PLD3: variants seen among roughly 807,000 people sequenced by gnomAD.
PLD3 encodes the protein 5'-3' exonuclease PLD3.
A neutral mutation model predicts 58.4 loss-of-function variants in PLD3; 31 were observed. The observed-to-expected ratio is 0.53, with a 90% CI of 0.40 to 0.72. The LOEUF is 0.72. PLD3 is among the 30% of genes least tolerant of loss of function. The pLI is 0.00. For synonymous variants in PLD3, 264 were observed against 273.4 expected (o/e 0.97, Z 0.34); for missense variants, 595 against 659.8 (o/e 0.90, Z 1.08).
At chr19:40,354,730 A>G (rs1250555969) in intron 1 of PLD3, among the ~76,000 whole-genome samples, 1 of 148,630 alleles carries the variant, frequency 6.7e-6, no homozygotes. Context: ...TTCGCCATGT[A>G]GGCCAGGCTG....
At chr19:40,366,152 G>A (rs1307888913) in intron 2 of PLD3, 8 of 439,110 alleles carry the variant, frequency 1.8e-5, no homozygotes, top group Middle Eastern at 6.4e-4. Flanking sequence ...TTGGAGGAGG[G>A]AGAAGGGGGC....
At chr19:40,373,164 C>T (rs894404930) in intron 9 of PLD3, among the ~76,000 whole-genome samples, 18 of 152,196 alleles carry the variant, frequency 1.2e-4, no homozygotes, top group African/African-American at 4.1e-4. Flanking sequence ...AAGGCGTGGA[C>T]GTAGGGAAGT....
Position 40,366,698 on chromosome 19 carries a change from G to T in PLD3, c.102+14G>T. ...GCTGCGGAAAAGGTAGGAGCCCTCC[G>T]CCACCCTCGCTCTGTCTCAGAGACA... On this transcript the variant is annotated intron_variant, in intron 4 of 12. Transcript: ENST00000409735. 1 of 1,611,782 alleles carries T rather than the reference G, an allele frequency of 6.2e-7. No homozygotes were observed. Among genetic ancestry groups the T allele is most frequent in the Non-Finnish European group, 8.5e-7 (1 of 1,178,674 alleles).
rs535493639 is a variant in PLD3 at position 40,366,856 on chromosome 19, C to T, written c.186C>T (p.Tyr62=). The T allele has an allele frequency of 5.0e-6, 8 of 1,613,998 alleles. No homozygotes were observed. Among genetic ancestry groups the T allele is most frequent in the Admixed American group, 1.7e-5 (1 of 60,004 alleles). The change falls in exon 5 of 13, where the codon TAC becomes TAT. Residue 62 remains tyrosine (Y), a synonymous_variant. Coordinates refer to ENST00000409735, the MANE Select transcript of PLD3 (RefSeq NM_012268.4). ...ALMTQLFLWE[Y]GDLHLFGPNQ... The stretch of plus-strand genomic sequence containing the variant: ...TGACTCAGCTGTTTCTATGGGAATA[C>T]GGCGACTTGCATCTCTTTGGGCCCA...
intron 1 of PLD3, 130 bp downstream of exon 1, chr19:40,348,898 G>A (rs2078403564): frequency 6.6e-6 from 1 of 151,194 alleles, no homozygotes; most frequent in African/African-American, 2.4e-5. Context: ...TAATTATAGC[G>A]TTGTCTTCCA....
intron 1 of PLD3, among the ~76,000 whole-genome samples, chr19:40,350,892 G>A (rs2078496142): frequency 6.6e-6 from 1 of 152,032 alleles, no homozygotes; most frequent in Admixed American, 6.6e-5. Context: ...AAATAGGGTG[G>A]TCAGGGAAAG....
At chr19:40,352,436 A>T (rs2078542883) in intron 1 of PLD3, among the ~76,000 whole-genome samples, 1 of 152,228 alleles carries the variant, frequency 6.6e-6, no homozygotes, top group South Asian at 2.1e-4. Flanking sequence ...GGCAGCTGTC[A>T]TGTGGCATCT....
chr19:40,374,432 G>A, intron 9 of PLD3, 49 bp from the exon 10 acceptor site: 1 of 1,605,972 alleles, frequency 6.2e-7, no homozygotes, highest in African/African-American at 1.3e-5. Flanking sequence ...GGTCCGTTGT[G>A]ACGATGACCC....
intron 10 of PLD3, chr19:40,376,388 A>G (rs915892347): frequency 2.0e-6 from 1 of 502,394 alleles, no homozygotes; most frequent in Admixed American, 3.5e-5. Flanking sequence ...AGAGGATGAC[A>G]ACACTGGGTT....
chr19:40,368,172 A>C (rs2078976134), intron 6 of PLD3, among the ~76,000 whole-genome samples: 1 of 152,146 alleles, frequency 6.6e-6, no homozygotes, highest in Non-Finnish European at 1.5e-5. Context: ...AGTCACACAA[A>C]GAAAGGGAAG....
At chr19:40,368,023 G>A (rs1272919509) in intron 6 of PLD3, 144 bp downstream of exon 6, 5 of 705,190 alleles carry the variant, frequency 7.1e-6, no homozygotes, top group Non-Finnish European at 1.2e-5. Flanking sequence ...GTGTTTGCAA[G>A]CAGCTGTCGT....
At chr19:40,372,263 G>A (rs1179210048) in intron 9 of PLD3, among the ~76,000 whole-genome samples, 1 of 152,066 alleles carries the variant, frequency 6.6e-6, no homozygotes, top group African/African-American at 2.4e-5. Flanking sequence ...GAGGTGACAG[G>A]ATCACTTGAG....
In PLD3 at chr19:40,366,039, A is replaced by G. The variant is rs2078913058; in HGVS notation, c.-66+109A>G. The G allele has an allele frequency of 1.9e-5, 4 of 208,194 alleles. No homozygotes were observed. The Admixed American group carries it at 2.2e-4, about 11-fold the overall frequency. 12.9% of individuals were successfully genotyped at this position (208,194 alleles called of 1,614,324 possible). A position where few individuals can be genotyped will look rare whatever the true frequency, so the allele number is the denominator to read the frequency against. The stretch of plus-strand genomic sequence containing the variant: ...GGGGGCACCTGAGGGCGGAGGAGCC[A>G]CCTAGAATATACCCCCTGTCCCAGG... On this transcript the variant is annotated intron_variant, in intron 2 of 12. Transcript: ENST00000409735.
At chr19:40,374,291 T>A (rs1476844931) in intron 9 of PLD3, among the ~76,000 whole-genome samples, 190 bp from the exon 10 acceptor site, 1 of 152,146 alleles carries the variant, frequency 6.6e-6, no homozygotes, top group East Asian at 1.9e-4. Context: ...TTTAAGTAAG[T>A]CACTTACCCT....
Position 40,370,227 on chromosome 19 carries a change from C to G in PLD3, c.668C>G (p.Ser223Ter). 1 of 1,613,274 alleles carries G rather than the reference C, an allele frequency of 6.2e-7. No homozygotes were observed. The highest frequency in any genetic ancestry group is 1.1e-5 in the South Asian group (1 of 90,996). Residue 223 changes from serine (S) to a stop codon, truncating the protein, a stop_gained, in exon 8 of 13, where the codon TCA (serine) becomes TGA (stop). Transcript: ENST00000409735. LOFTEE classifies it high-confidence loss of function. ...GGCAGTGCCAACATGGACTGGCGTT[C>G]ACTGACCCAGGTCTGTCTGCACCCT... ...YLGSANMDWRSLTQVKELGVV... is the reference protein window; with the variant it reads ...YLGSANMDWR
rs1208383981 is a variant in PLD3 at position 40,376,695 on chromosome 19, A to G, written c.1106A>G (p.His369Arg). Residue 369 changes from histidine to arginine, a missense_variant, in exon 11 of 13, where the codon CAC becomes CGC. Coordinates refer to ENST00000409735, the MANE Select transcript of PLD3 (RefSeq NM_012268.4). ...CGCCTGCTCATCAGCTGCTGGGGAC[A>G]CTCGGAGCCATCCATGCGGGCCTTC... ...KVRLLISCWG[H>R]SEPSMRAFLL... 2 of 1,604,810 alleles carry G rather than the reference A, an allele frequency of 1.2e-6. No homozygotes were observed. Among genetic ancestry groups the G allele is most frequent in the Admixed American group, 1.7e-5 (1 of 60,012 alleles).
At chr19:40,355,788 T>TA (rs1445668640) in intron 1 of PLD3, 1 of 152,018 alleles carries the variant, frequency 6.6e-6, no homozygotes, top group Admixed American at 6.6e-5. Context: ...GTGAGTTAGA[T>TA]AGCCTGGACC....
rs2079023818 is a variant in PLD3 at position 40,369,917 on chromosome 19, G to A, written c.439G>A (p.Val147Ile). ...TCTCCCCTCCCCGCAGGGTGAGGAG[G>A]TCCTCCGGCAGCTGCAGACCCTGGC... is the stretch of plus-strand genomic sequence containing the variant. ...QEPSAQQGEE[V>I]LRQLQTLAPK... The change falls in exon 7 of 13, where the codon GTC becomes ATC. Residue 147 changes from valine (V) to isoleucine (I), a missense_variant. Physicochemically the swap from Val to Ile is conservative, Grantham distance 29 (BLOSUM62 3). Coordinates refer to ENST00000409735, the MANE Select transcript of PLD3 (RefSeq NM_012268.4). 2 of 1,558,034 alleles carry A rather than the reference G, an allele frequency of 1.3e-6. No homozygotes were observed.
rs1278064727 is a variant in PLD3 at position 40,374,482 on chromosome 19, G to A, written c.881G>A (p.Ser294Asn). The stretch of plus-strand genomic sequence containing the variant: ...TCTTAACTGTCCCCTCGCCCTCAGA[G>A]TGCGCCCCCACCCCTGTGTCCAAGT... The part of the protein sequence containing the change: ...NGTPALAYLA[S>N]APPPLCPSGR... The change falls in exon 10 of 13, where the codon AGT (serine) becomes AAT (asparagine). Residue 294 changes from serine to asparagine, a missense_variant and splice_region_variant. Physicochemically the swap from Ser to Asn is conservative, Grantham distance 46 (BLOSUM62 1). Transcript: ENST00000409735. 6 of 1,613,968 alleles carry A rather than the reference G, an allele frequency of 3.7e-6. No individual in the cohort carries two copies. The highest frequency in any genetic ancestry group is 1.3e-5 in the African/African-American group (1 of 74,908).
Sources: allele counts gnomAD v4.1 joint callset (sites outside exome capture counted in the v4.1 genomes callset), GRCh38; gene constraint gnomAD v4.1.1; transcripts MANE v1.5; gene names NCBI Gene and HGNC (gene_info 2026-07-23, HGNC 2026-07-21).